Variants in ACOT11 observed in about 807,000 individuals in gnomAD.
The protein encoded by ACOT11 is acyl-CoA thioesterase 11.
Under a neutral mutation model 77.5 loss-of-function variants are expected in ACOT11, and 69 were observed. That is an observed-to-expected ratio of 0.89 (90% CI 0.73 to 1.09). The LOEUF (loss-of-function observed/expected upper bound fraction) is 1.09. Among genes scored for constraint, ACOT11 ranks in the 50% least tolerant of loss-of-function variants. ACOT11 has a pLI of 0.00. For missense variants in ACOT11, 766 were observed against 813.7 expected (o/e 0.94, Z 0.71); for synonymous variants, 279 against 313.0 (o/e 0.89, Z 1.15).
chr1:54,630,621 A>G (rs1305765845), intron 15 of ACOT11: 6 of 527,170 alleles, frequency 1.1e-5, no homozygotes, highest in African/African-American at 1.9e-5. Context: ...GTTTGCTGTT[A>G]ATAAATACGT....
At chr1:54,630,299 C>G (rs1470207885) in intron 15 of ACOT11, among the ~76,000 whole-genome samples, 2 of 152,004 alleles carry the variant, frequency 1.3e-5, no homozygotes, top group African/African-American at 4.8e-5. Context: ...TTGGAGCAAG[C>G]CCCCCACAGT....
rs1654803915 is a variant in ACOT11, at chr1:54,593,938, C to T, written c.373-3C>T. On this transcript the variant is annotated splice_polypyrimidine_tract_variant and splice_region_variant and intron_variant, in intron 4 of 15. Transcript: ENST00000343744. ...TTCCTTCGCCCTTACTGTTCCTCTC[C>T]AGGTGGGCATCCAGGTGGCCTCGGA... The T allele has an allele frequency of 6.2e-7, 1 of 1,613,588 alleles. No homozygotes were observed. The highest frequency in any genetic ancestry group is 1.7e-5 in the Admixed American group (1 of 59,970).
chr1:54,623,541 C>T, intron 15 of ACOT11: 1 of 677,586 alleles, frequency 1.5e-6, no homozygotes, highest in Non-Finnish European at 2.6e-6. Flanking sequence ...CCTGTAATAT[C>T]CCCTCTGGAG....
At chr1:54,594,528 G>C (rs768116080) in intron 5 of ACOT11, 28 bp from the exon 6 acceptor site, 1 of 1,599,158 alleles carries the variant, frequency 6.3e-7, no homozygotes, top group South Asian at 1.1e-5. Flanking sequence ...TGCCCTGAGT[G>C]TCCCCCACCC....
At chr1:54,636,605 T>C (rs903165056) in exon 17 of ACOT11, 2 of 150,434 alleles carry the variant, frequency 1.3e-5, no homozygotes, top group African/African-American at 2.4e-5. Context: ...CTTCCTCTTA[T>C]CTCAACTGCA....
At chr1:54,595,486 C>A (rs754618772) in intron 6 of ACOT11, among the ~76,000 whole-genome samples, 7 of 152,044 alleles carry the variant, frequency 4.6e-5, no homozygotes, top group Non-Finnish European at 1.0e-4. Flanking sequence ...AAATAAAAAG[C>A]AAGACTCCTT....
Position 54,604,011 on chromosome 1 carries a change from G to A in ACOT11, c.1152+74G>A, listed in dbSNP as rs542029736. ...CACCCTTCCCTGCTTGTCAGAACGG[G>A]TTTGGAGGAAGGCCGGGGAGAGCAG... On this transcript the variant is annotated intron_variant, in intron 11 of 15. Transcript: ENST00000343744. 2.2e-4 allele frequency: 315 copies of A among 1,422,480 alleles called. No individual in the cohort carries two copies. The African/African-American group carries it at 4.3e-3, about 19-fold the overall frequency. 88.1% of individuals were successfully genotyped at this position (1,422,480 alleles called of 1,614,324 possible). A position where few individuals can be genotyped will look rare whatever the true frequency, so the allele number is the denominator to read the frequency against.
chr1:54,636,082 A>G (rs1466846263), exon 17 of ACOT11: 1 of 152,258 alleles, frequency 6.6e-6, no homozygotes, highest in Non-Finnish European at 1.5e-5. Flanking sequence ...TTAATTTAAT[A>G]TCTATAGAAA....
intron 3 of ACOT11, among the ~76,000 whole-genome samples, chr1:54,591,942 C>A (rs1654726660): frequency 6.6e-6 from 1 of 152,260 alleles, no homozygotes; most frequent in African/African-American, 2.4e-5. Context: ...ATTCTTTAAA[C>A]ATTTCCTTTT....
intron 13 of ACOT11, 139 bp downstream of exon 13, chr1:54,605,348 G>C: frequency 2.2e-6 from 3 of 1,348,684 alleles, no homozygotes; most frequent in Non-Finnish European, 2.9e-6. Flanking sequence ...TGCTGGGTGG[G>C]GGTTCAGGGT....
intron 15 of ACOT11, among the ~76,000 whole-genome samples, chr1:54,618,246 G>A (rs1387759747): frequency 6.6e-6 from 1 of 152,154 alleles, no homozygotes. Context: ...GCTCAGACCT[G>A]TAATCCTAGC....
rs780021812 is a variant in ACOT11, at chr1:54,584,539, G to A, written c.34-116G>A. ...ACTCTCGGGTTGGGGTCTGGTGGGA[G>A]GTGGCCCTAGGTACTCTCTCTCCCC... On this transcript the variant is annotated intron_variant, in intron 1 of 15. Coordinates refer to ENST00000343744, the MANE Select transcript of ACOT11 (RefSeq NM_147161.4). This position sits in a 1 kb window ranked among gnomAD's most constrained non-coding sequence, Gnocchi z 6.3. The A allele has an allele frequency of 1.1e-4, 108 of 958,754 alleles. No individual in the cohort carries two copies. The highest frequency in any genetic ancestry group is 2.2e-4 in the Middle Eastern group (1 of 4,490). The allele number at this position is 958,754 out of a possible 1,614,324, so 59.4% of individuals were successfully genotyped here.
At chr1:54,569,333 T>G (rs779631117) in intron 1 of ACOT11, among the ~76,000 whole-genome samples, 1 of 152,054 alleles carries the variant, frequency 6.6e-6, no homozygotes, top group Non-Finnish European at 1.5e-5. Context: ...GTCCACCCCT[T>G]TGGGGTCTTG....
chr1:54,573,909 A>G (rs1039447126), intron 1 of ACOT11, among the ~76,000 whole-genome samples: 1 of 151,832 alleles, frequency 6.6e-6, no homozygotes, highest in African/African-American at 2.4e-5. Flanking sequence ...CATGCCTGTA[A>G]TCCCAGCTAC....
At chr1:54,612,686 C>A (rs1305224732), downstream of ACOT11, 1 of 1,613,892 alleles carries the variant, frequency 6.2e-7, no homozygotes, top group Non-Finnish European at 8.5e-7. Flanking sequence ...CCTTGGGATA[C>A]TTCTCCTGGA....
At chr1:54,577,114 C>G (rs1239383460) in intron 1 of ACOT11, among the ~76,000 whole-genome samples, 2 of 152,144 alleles carry the variant, frequency 1.3e-5, no homozygotes, top group Non-Finnish European at 2.9e-5. Flanking sequence ...GATGTTTTCT[C>G]TCAATAATTA....
In ACOT11 at chr1:54,609,135, GCCCACT is replaced by G; in HGVS notation, c.*32_*37del. 1 of 1,613,812 alleles carries G rather than the reference GCCCACT, an allele frequency of 6.2e-7. No homozygotes were observed. Among genetic ancestry groups the G allele is most frequent in the Non-Finnish European group, 8.5e-7 (1 of 1,179,844 alleles). ...TAGATGCCCTCAGTGGCCACATCAT[GCCCACT>G]CCCACTCCATCCTGTCCCCAAGGAC... On this transcript the variant is annotated 3_prime_UTR_variant, in exon 16 of 16. Coordinates refer to ENST00000343744, the MANE Select transcript of ACOT11 (RefSeq NM_147161.4).
At chr1:54,581,457 C>A (rs540681221) in intron 1 of ACOT11, among the ~76,000 whole-genome samples, 97 of 152,260 alleles carry the variant, frequency 6.4e-4, no homozygotes, top group African/African-American at 2.2e-3. Flanking sequence ...GCCTTAGTCC[C>A]CCAGGCTGTG....
In ACOT11 at chr1:54,594,607, A is replaced by C; in HGVS notation, c.523A>C (p.Ser175Arg). The change falls in exon 6 of 16, where the codon AGT (serine) becomes CGT (arginine). Residue 175 changes from serine (S) to arginine (R), a missense_variant. By Grantham distance (110) the Ser-to-Arg change is moderately radical. Transcript: ENST00000343744. ...GACAGAAGAGGAGAAGATGGAGCAC[A>C]GTGTGGCGGCTGAGCGCCGGCGCAT... ...PRTEEEKMEH[S>R]VAAERRRMRL... is the part of the protein sequence containing the mutation. 2 of 1,614,118 alleles carry C rather than the reference A, an allele frequency of 1.2e-6. No homozygotes were observed. The highest frequency in any genetic ancestry group is 1.7e-6 in the Non-Finnish European group (2 of 1,180,012).
Sources: allele counts gnomAD v4.1 joint callset (sites outside exome capture counted in the v4.1 genomes callset), GRCh38; gene constraint gnomAD v4.1.1; non-coding constraint Gnocchi (gnomAD v3.1); transcripts MANE v1.5; gene names NCBI Gene and HGNC (gene_info 2026-07-23, HGNC 2026-07-21).